SPIDR: variants seen among roughly 807,000 people sequenced by gnomAD.
SPIDR encodes the protein scaffold protein involved in DNA repair, also known as DNA repair-scaffolding protein.
In SPIDR, 93 loss-of-function variants were observed where a neutral mutation model predicts 104.6. The ratio of observed to expected loss-of-function variants is 0.89; its 90% confidence interval spans 0.75 to 1.06. The LOEUF is 1.06. Ranked by LOEUF, SPIDR falls within the 50% of genes least tolerant of loss-of-function variation. SPIDR has a pLI of 0.00. For missense variants in SPIDR, 1,154 were observed against 1,111.2 expected, an observed-to-expected ratio of 1.04 and a Z score of -0.55; for synonymous variants, 431 against 416.9, an observed-to-expected ratio of 1.03 and a Z score of -0.41.
intron 5 of SPIDR, among the ~76,000 whole-genome samples, chr8:47,332,870 G>A (rs2049008987): frequency 8.0e-6 from 1 of 125,158 alleles, no homozygotes; most frequent in Non-Finnish European, 1.6e-5. Context: ...TTGTAAATTT[G>A]TTTGAGTTCA....
rs782569972 is a variant in SPIDR at position 47,278,490 on chromosome 8, T to TA, written c.34-1364dup. ...ACATGCCACCATGCCTGGCTAATTC[T>TA]AAAAAAAATTTGTAGACATGGGGTC... is the stretch of plus-strand genomic sequence containing the variant. On this transcript the variant is annotated intron_variant, in intron 1 of 19. Transcript: ENST00000297423. 7.6e-4 allele frequency among the ~76,000 whole-genome samples: 115 copies of TA among 151,950 alleles called. No homozygotes were observed. The East Asian group carries it at 0.014, about 19-fold the overall frequency.
At chr8:47,558,873 C>G (rs571745568) in intron 8 of SPIDR, among the ~76,000 whole-genome samples, 16 of 152,266 alleles carry the variant, frequency 1.1e-4, no homozygotes, top group African/African-American at 2.9e-4. Context: ...GATCTGACCT[C>G]GTGATCCACC....
intron 8 of SPIDR, among the ~76,000 whole-genome samples, chr8:47,491,612 G>A (rs2078723485): frequency 6.6e-6 from 1 of 152,102 alleles, no homozygotes; most frequent in South Asian, 2.1e-4. Context: ...CACAAATACA[G>A]TAAACGTGCT....
chr8:47,650,310 A>G (rs953248873), intron 10 of SPIDR, among the ~76,000 whole-genome samples: 3 of 152,186 alleles, frequency 2.0e-5, no homozygotes, highest in Non-Finnish European at 2.9e-5. Flanking sequence ...TACACCAACA[A>G]TGACCAAGCG....
chr8:47,697,969 C>T (rs1222881210), intron 11 of SPIDR: 8 of 152,184 alleles, frequency 5.3e-5, no homozygotes, highest in Admixed American at 5.2e-4. Context: ...CTCTCCTTGT[C>T]TGCTCCACAA....
chr8:47,330,848 C>G, intron 5 of SPIDR: 1 of 456,044 alleles, frequency 2.2e-6, no homozygotes, highest in South Asian at 1.5e-5. Flanking sequence ...GATAAACTTT[C>G]AACTCCTTTG....
chr8:47,309,040 G>T (rs782471790), intron 5 of SPIDR, among the ~76,000 whole-genome samples: 4 of 152,188 alleles, frequency 2.6e-5, no homozygotes, highest in Non-Finnish European at 5.9e-5. Flanking sequence ...CAACACATGC[G>T]TGGTGCTTCC....
chr8:47,411,874 G>A (rs933058065), intron 7 of SPIDR, among the ~76,000 whole-genome samples: 13 of 152,064 alleles, frequency 8.5e-5, no homozygotes, highest in Admixed American at 3.9e-4. Flanking sequence ...TCTACATATC[G>A]CTACCTAGTT....
At chr8:47,687,565 T>C (rs768835974) in intron 11 of SPIDR, among the ~76,000 whole-genome samples, 11 of 152,204 alleles carry the variant, frequency 7.2e-5, no homozygotes, top group South Asian at 2.1e-4. Flanking sequence ...ATAACAAGCA[T>C]ATGAAAGAGG....
At chr8:47,735,093 T>C (rs1242473085) in intron 19 of SPIDR, among the ~76,000 whole-genome samples, 4 of 147,142 alleles carry the variant, frequency 2.7e-5, no homozygotes, top group Admixed American at 2.1e-4. Flanking sequence ...AATGGGTGTG[T>C]GGGTGTGTGT....
At position 47,315,653 on chromosome 8, in the gene SPIDR, A is replaced by G. The variant is rs587620638; in HGVS notation, c.525+21623A>G. Among the ~76,000 whole-genome samples the G allele has an allele frequency of 6.6e-5, 10 of 152,330 alleles. 1 individual carries two copies. Among genetic ancestry groups the G allele is most frequent in the African/African-American group, 2.4e-4 (10 of 41,594 alleles). ...ATTTCAAGATTTACTCTAATAATAC[A>G]GTAATGAAGACTGTGATATCAGCAT... On this transcript the variant is annotated intron_variant, in intron 5 of 19. Coordinates refer to ENST00000297423, the MANE Select transcript of SPIDR (RefSeq NM_001080394.4).
In SPIDR at chr8:47,430,884, G is replaced by A. The variant is rs572703513; in HGVS notation, c.878-9439G>A. Among the ~76,000 whole-genome samples the A allele has an allele frequency of 3.9e-5, 6 of 152,250 alleles. No homozygotes were observed. The East Asian group carries it at 1.2e-3, about 29-fold the overall frequency. Reference sequence around the variant, plus strand: ...ATCATCTATAGTTGTATGAAATAAGGTGTTTTAAATGAAGAAGTTTTCAAG... The same window carrying A: ...ATCATCTATAGTTGTATGAAATAAGATGTTTTAAATGAAGAAGTTTTCAAG... On this transcript the variant is annotated intron_variant, in intron 7 of 19. Transcript: ENST00000297423.
intron 8 of SPIDR, among the ~76,000 whole-genome samples, chr8:47,501,366 G>C (rs1182303071): frequency 6.6e-6 from 1 of 152,208 alleles, no homozygotes; most frequent in East Asian, 1.9e-4. Context: ...CACATCCCTT[G>C]TAAGTTGGAT....
intron 5 of SPIDR, among the ~76,000 whole-genome samples, chr8:47,314,248 A>G (rs1243892702): frequency 6.6e-6 from 1 of 152,218 alleles, no homozygotes; most frequent in Non-Finnish European, 1.5e-5. Flanking sequence ...AACACTGGAA[A>G]AGAAAAAAAT....
chr8:47,693,966 C>T (rs2154480359), intron 11 of SPIDR, among the ~76,000 whole-genome samples: 1 of 152,306 alleles, frequency 6.6e-6, no homozygotes, highest in Admixed American at 6.5e-5. Context: ...GGCCCTAGCC[C>T]CAGGAGCCAC....
At chr8:47,356,947 G>T (rs116571684) in intron 5 of SPIDR, among the ~76,000 whole-genome samples, 4 of 152,092 alleles carry the variant, frequency 2.6e-5, no homozygotes, top group African/African-American at 9.7e-5. Flanking sequence ...CTGTTGAAAT[G>T]GGGTTTATTT....
chr8:47,480,143 G>A, intron 8 of SPIDR, among the ~76,000 whole-genome samples: 1 of 152,184 alleles, frequency 6.6e-6, no homozygotes, highest in East Asian at 1.9e-4. Flanking sequence ...ATGAGAGCCT[G>A]CCTAAGTTCG....
chr8:47,543,602 T>C (rs949774831), intron 8 of SPIDR, among the ~76,000 whole-genome samples: 2 of 152,150 alleles, frequency 1.3e-5, no homozygotes, highest in Admixed American at 1.3e-4. Flanking sequence ...AATTTAGCTA[T>C]AGAAGGAGTC....
chr8:47,301,043 G>C (rs1410330310), intron 5 of SPIDR, among the ~76,000 whole-genome samples: 1 of 152,202 alleles, frequency 6.6e-6, no homozygotes, highest in Non-Finnish European at 1.5e-5. Flanking sequence ...TGTTGATAGT[G>C]GGGTGTTAAA....
Sources: allele counts gnomAD v4.1 joint callset (sites outside exome capture counted in the v4.1 genomes callset), GRCh38; gene constraint gnomAD v4.1.1; transcripts MANE v1.5; gene names NCBI Gene and HGNC (gene_info 2026-07-23, HGNC 2026-07-21).